SLC35F3: variants seen among roughly 807,000 people sequenced by gnomAD.
SLC35F3 encodes the protein putative thiamine transporter SLC35F3.
Under a neutral mutation model 49.9 loss-of-function variants are expected in SLC35F3, and 25 were observed. That is an observed-to-expected ratio of 0.50 (90% CI 0.37 to 0.70). SLC35F3 has a LOEUF of 0.70. Among genes scored for constraint, SLC35F3 ranks in the 30% least tolerant of loss-of-function variants. The pLI is 0.00. For missense variants in SLC35F3, 525 were observed against 639.8 expected (o/e 0.82, Z 1.94); for synonymous variants, 275 against 265.4 (o/e 1.04, Z -0.35).
At chr1:233,977,651 A>T (rs1663112787) in intron 2 of SLC35F3, among the ~76,000 whole-genome samples, 1 of 152,190 alleles carries the variant, frequency 6.6e-6, no homozygotes. Flanking sequence ...TAATATCCTC[A>T]TCATCCATGA....
At chr1:233,945,963 G>A (rs1662507639) in intron 2 of SLC35F3, among the ~76,000 whole-genome samples, 1 of 152,192 alleles carries the variant, frequency 6.6e-6, no homozygotes, top group South Asian at 2.1e-4. Context: ...CCACTTTGGG[G>A]CCAAACTATG....
chr1:234,269,552 G>T (rs572379912), intron 3 of SLC35F3, among the ~76,000 whole-genome samples: 1 of 152,104 alleles, frequency 6.6e-6, no homozygotes, highest in South Asian at 2.1e-4. Flanking sequence ...CCCAAAACTG[G>T]CACCCCTTGG....
chr1:234,112,630 G>C (rs763801558), intron 2 of SLC35F3, among the ~76,000 whole-genome samples: 10 of 138,786 alleles, frequency 7.2e-5, no homozygotes, highest in Non-Finnish European at 7.6e-5. Flanking sequence ...ATCTCGGCTC[G>C]CTGCAAGCTC....
chr1:233,993,341 C>G (rs748191164), intron 2 of SLC35F3, among the ~76,000 whole-genome samples: 4 of 152,098 alleles, frequency 2.6e-5, no homozygotes, highest in Non-Finnish European at 5.9e-5. Flanking sequence ...GGAAGTAGAA[C>G]TCACCCTTGG....
chr1:233,914,309 A>T (rs973125230), intron 2 of SLC35F3, among the ~76,000 whole-genome samples: 1 of 152,198 alleles, frequency 6.6e-6, no homozygotes, highest in Non-Finnish European at 1.5e-5. Context: ...AGAGAAAGCT[A>T]GTCTACATAA....
At chr1:234,161,775 C>T (rs1465584723) in intron 2 of SLC35F3, among the ~76,000 whole-genome samples, 1 of 152,140 alleles carries the variant, frequency 6.6e-6, no homozygotes, top group Non-Finnish European at 1.5e-5. Flanking sequence ...CACTGCACTA[C>T]AGCTTGGGTG....
At chr1:234,321,827 G>A (rs534628304) in intron 7 of SLC35F3, among the ~76,000 whole-genome samples, 1 of 152,118 alleles carries the variant, frequency 6.6e-6, no homozygotes, top group South Asian at 2.1e-4. Context: ...TCTGCTCAAG[G>A]GACTGGCTGG....
chr1:234,191,118 G>T (rs1450114643), intron 2 of SLC35F3, among the ~76,000 whole-genome samples: 1 of 152,094 alleles, frequency 6.6e-6, no homozygotes, highest in Non-Finnish European at 1.5e-5. Context: ...CTTCAATTAT[G>T]CCTAATCATA....
intron 2 of SLC35F3, among the ~76,000 whole-genome samples, chr1:234,137,408 C>T (rs2102901219): frequency 6.6e-6 from 1 of 152,268 alleles, no homozygotes; most frequent in South Asian, 2.1e-4. Flanking sequence ...AAAGAGCAAT[C>T]ATTGACTTAG....
intron 2 of SLC35F3, among the ~76,000 whole-genome samples, chr1:233,922,952 G>A (rs148704749): frequency 0.028 from 4,211 of 152,194 alleles, 213 homozygotes; most frequent in African/African-American, 0.097. Context: ...AAGATCAGAT[G>A]GTTGTAGATG....
intron 2 of SLC35F3, among the ~76,000 whole-genome samples, chr1:234,150,751 A>C (rs1417846085): frequency 6.6e-6 from 1 of 152,204 alleles, no homozygotes; most frequent in Non-Finnish European, 1.5e-5. Flanking sequence ...ACAAAAGCCC[A>C]GGAACATTTG....
Position 234,046,246 on chromosome 1 carries a change from G to A in SLC35F3, c.283+140488G>A, listed in dbSNP as rs1049227994. Among the ~76,000 whole-genome samples, 10 of 152,148 alleles carry A rather than the reference G, an allele frequency of 6.6e-5. No homozygotes were observed. Among genetic ancestry groups the A allele is most frequent in the South Asian group, 2.1e-4 (1 of 4,836 alleles). ...TTTATTCTAGAAATGTGTAAGCAGT[G>A]TTTAAAGGCTCACTATTCTATATTC... On this transcript the variant is annotated intron_variant, in intron 2 of 7. Transcript: ENST00000366618. The surrounding 1 kb of genome is among the most constrained non-coding windows in gnomAD (Gnocchi z 4.4).
chr1:233,953,244 A>G (rs1051157785), intron 2 of SLC35F3, among the ~76,000 whole-genome samples: 3 of 152,238 alleles, frequency 2.0e-5, no homozygotes, highest in Non-Finnish European at 2.9e-5. Context: ...ATTAAGAATG[A>G]AAAAAATCAG....
intron 3 of SLC35F3, among the ~76,000 whole-genome samples, chr1:234,303,600 A>G (rs1454127213): frequency 1.3e-5 from 2 of 152,210 alleles, no homozygotes; most frequent in Non-Finnish European, 2.9e-5. Flanking sequence ...CCTTTGATTG[A>G]TAATTGATTG....
At chr1:233,938,034 A>G (rs993772785) in intron 2 of SLC35F3, among the ~76,000 whole-genome samples, 1 of 152,200 alleles carries the variant, frequency 6.6e-6, no homozygotes, top group Non-Finnish European at 1.5e-5. Flanking sequence ...AGACAGGTGA[A>G]GCCTTGAATC....
intron 2 of SLC35F3, among the ~76,000 whole-genome samples, chr1:233,914,789 T>A (rs1017726711): frequency 6.6e-6 from 1 of 152,146 alleles, no homozygotes; most frequent in Non-Finnish European, 1.5e-5. Context: ...GTCTTTTGGT[T>A]CAAAGCAGTG....
chr1:234,240,796 C>A (rs1667543355), intron 3 of SLC35F3, among the ~76,000 whole-genome samples: 1 of 152,046 alleles, frequency 6.6e-6, no homozygotes, highest in East Asian at 1.9e-4. Context: ...ATTTGGAGCC[C>A]ACAGCAAGAA....
intron 3 of SLC35F3, among the ~76,000 whole-genome samples, chr1:234,236,556 GACACAGCCTGGACAAAGAGC>G (rs1213712044): frequency 6.6e-6 from 1 of 152,138 alleles, no homozygotes; most frequent in Non-Finnish European, 1.5e-5. Flanking sequence ...CTGGATAAAG[GACACAGCCTGGACAAAGAGC>G]ACGGAGCTCT....
At chr1:234,098,973 T>C (rs1406288180) in intron 2 of SLC35F3, among the ~76,000 whole-genome samples, 3 of 152,010 alleles carry the variant, frequency 2.0e-5, no homozygotes, top group African/African-American at 7.3e-5. Context: ...ATGGAGGTGG[T>C]GACTGTGTTG....
Sources: gnomAD v4.1 joint callset for allele counts (sites outside exome capture counted in the v4.1 genomes callset) on GRCh38, gnomAD v4.1.1 for gene constraint, Gnocchi (gnomAD v3.1) non-coding constraint, MANE v1.5 for transcripts, NCBI Gene and HGNC (gene_info 2026-07-23, HGNC 2026-07-21) for gene names.